The following LEMD3 variants were observed in gnomAD, a reference collection of about 807,000 sequenced individuals.
LEMD3 encodes LEM domain containing 3.
LEMD3 carries 33 observed loss-of-function variants against 95.2 expected under a neutral mutation model. That is an observed-to-expected ratio of 0.35 (90% CI 0.26 to 0.46). The LOEUF is 0.46. LEMD3 is among the 20% of genes least tolerant of loss of function. LEMD3 has a pLI of 1.00. For missense variants in LEMD3, 1,210 were observed against 1,192.8 expected, an observed-to-expected ratio of 1.01 and a Z score of -0.21; for synonymous variants, 525 against 474.6, an observed-to-expected ratio of 1.11 and a Z score of -1.38.
intron 4 of LEMD3, among the ~76,000 whole-genome samples, chr12:65,219,385 G>A (rs1025891930): frequency 8.5e-5 from 13 of 152,154 alleles, no homozygotes; most frequent in African/African-American, 3.1e-4. Context: ...TCTCAGAAGT[G>A]GAAAGTGGCA....
chr12:65,172,331 T>G (rs763257267), intron 1 of LEMD3, among the ~76,000 whole-genome samples: 1 of 152,242 alleles, frequency 6.6e-6, no homozygotes, highest in Non-Finnish European at 1.5e-5. Context: ...CCAAGATGAA[T>G]TCACTGTATT....
intron 4 of LEMD3, among the ~76,000 whole-genome samples, chr12:65,223,055 T>C (rs1363869641): frequency 6.6e-6 from 1 of 152,146 alleles, no homozygotes; most frequent in Non-Finnish European, 1.5e-5. Flanking sequence ...TGGCCTAACA[T>C]ATGATCTGAT....
At chr12:65,226,679 G>C (rs1020320396) in intron 4 of LEMD3, among the ~76,000 whole-genome samples, 3 of 152,176 alleles carry the variant, frequency 2.0e-5, no homozygotes, top group African/African-American at 7.2e-5. Context: ...TATATCTGGA[G>C]TCAAATTCTG....
intron 1 of LEMD3, among the ~76,000 whole-genome samples, chr12:65,180,989 AACACAC>A (rs71096029): frequency 6.7e-6 from 1 of 149,178 alleles, no homozygotes; most frequent in Admixed American, 6.6e-5. Flanking sequence ...TATGTACACA[AACACAC>A]ACACACACAC....
chr12:65,244,777 G>A (rs188475090), intron 10 of LEMD3, among the ~76,000 whole-genome samples: 6 of 151,916 alleles, frequency 3.9e-5, no homozygotes, highest in African/African-American at 9.7e-5. Context: ...GCAAAACCCC[G>A]TCTCTACAAA....
chr12:65,245,307 T>A (rs1270478492), intron 10 of LEMD3: 1 of 193,670 alleles, frequency 5.2e-6, no homozygotes, highest in Non-Finnish European at 1.1e-5. Context: ...ATTTTTTTTT[T>A]TTTTTGTATT....
intron 2 of LEMD3, among the ~76,000 whole-genome samples, chr12:65,213,805 G>A (rs549727994): frequency 1.3e-5 from 2 of 152,280 alleles, no homozygotes; most frequent in East Asian, 3.9e-4. Flanking sequence ...TGAAAGGGGA[G>A]TGAGGAAGGG....
intron 1 of LEMD3, among the ~76,000 whole-genome samples, chr12:65,204,845 C>T (rs1164347107): frequency 6.6e-6 from 1 of 152,102 alleles, no homozygotes; most frequent in Admixed American, 6.6e-5. Context: ...GCTTTTGTTA[C>T]AGATATCTCA....
chr12:65,177,855 T>TTC (rs1054534260), intron 1 of LEMD3, among the ~76,000 whole-genome samples: 1 of 151,468 alleles, frequency 6.6e-6, no homozygotes, highest in African/African-American at 2.4e-5. Context: ...TTTTTTTTTT[T>TTC]CAATATGAGA....
chr12:65,231,727 GA>G (rs961623908), intron 4 of LEMD3, among the ~76,000 whole-genome samples: 1 of 151,592 alleles, frequency 6.6e-6, no homozygotes, highest in East Asian at 1.9e-4. Context: ...AAAATGAAAG[GA>G]AAAAAAGCTT....
chr12:65,198,638 C>A (rs549636787), intron 1 of LEMD3, among the ~76,000 whole-genome samples: 1 of 152,038 alleles, frequency 6.6e-6, no homozygotes, highest in Non-Finnish European at 1.5e-5. Context: ...TACTAAAATC[C>A]ACAGATGCTC....
chr12:65,198,953 G>C (rs1592440634), intron 1 of LEMD3, among the ~76,000 whole-genome samples: 2 of 152,056 alleles, frequency 1.3e-5, no homozygotes, highest in South Asian at 2.1e-4. Context: ...AAACTACAGG[G>C]GTGTCTTTAG....
In LEMD3 at chr12:65,170,057, CCGG is replaced by C. The variant is rs750001959; in HGVS notation, c.471_473del (p.Gly158del). The C allele has an allele frequency of 6.0e-6, 9 of 1,511,762 alleles. No individual in the cohort carries two copies. The Admixed American group carries it at 1.1e-4, about 19-fold the overall frequency. 93.6% of individuals were successfully genotyped at this position (1,511,762 alleles called of 1,614,324 possible). ...GTGGAGGCCAGTCCCCGGGACCAGG[CCGG>C]CGGCGGCGGGAGGAAAGACCGGGCT... On this transcript the variant is annotated inframe_deletion, in exon 1 of 13. Coordinates refer to ENST00000308330, the MANE Select transcript of LEMD3 (RefSeq NM_014319.5).
At chr12:65,210,803 C>T (rs1351312588) in intron 1 of LEMD3, 123 bp from the exon 2 acceptor site, 1 of 798,864 alleles carries the variant, frequency 1.3e-6, no homozygotes, top group Non-Finnish European at 2.3e-6. Flanking sequence ...AGTTTGTTTA[C>T]ATTTGGTTCA....
chr12:65,203,073 A>T (rs1040929130), intron 1 of LEMD3, among the ~76,000 whole-genome samples: 2 of 151,890 alleles, frequency 1.3e-5, no homozygotes, highest in Non-Finnish European at 2.9e-5. Context: ...ACTCTTTCTT[A>T]TGCTTACTTT....
chr12:65,208,333 G>A (rs780292576), intron 1 of LEMD3, among the ~76,000 whole-genome samples: 128 of 152,052 alleles, frequency 8.4e-4, no homozygotes, highest in Non-Finnish European at 3.4e-4. Context: ...TTGAAGTACC[G>A]TCTTGGTATT....
chr12:65,247,726 T>C lies in LEMD3; in HGVS notation c.*1401T>C, dbSNP rs1478104677. On this transcript the variant is annotated 3_prime_UTR_variant, in exon 13 of 13. Transcript: ENST00000308330. ...TTTTTGTTTTATTGTATGCGTTGGG[T>C]TTGCAGCATGAACTTGCACAGATAA... 1 of 152,578 alleles carries C rather than the reference T, an allele frequency of 6.6e-6. No individual in the cohort carries two copies. Among genetic ancestry groups the C allele is most frequent in the African/African-American group, 2.4e-5 (1 of 41,442 alleles). 9.5% of individuals were successfully genotyped at this position (152,578 alleles called of 1,614,324 possible).
Position 65,170,201 on chromosome 12 carries a change from C to T in LEMD3, c.605C>T (p.Pro202Leu). The T allele has an allele frequency of 1.3e-6, 2 of 1,492,316 alleles. No individual in the cohort carries two copies. The highest frequency in any genetic ancestry group is 1.8e-6 in the Non-Finnish European group (2 of 1,121,340). The allele number at this position is 1,492,316 out of a possible 1,614,324, so 92.4% of individuals were successfully genotyped here. The change falls in exon 1 of 13, where the codon CCG becomes CTG. Residue 202 changes from proline to leucine, a missense_variant. By Grantham distance (98) the Pro-to-Leu change is moderately conservative. This residue lies in a region of LEMD3 where 749 missense variants were observed against 622.9 expected (regional missense o/e 1.20). Transcript: ENST00000308330. The stretch of plus-strand genomic sequence containing the variant: ...CACTCGTGGTGGGGGGCCAGGAGGC[C>T]GGCGGGCCCCGAGCTGCAGACCCCG... ...KPHSWWGARR[P>L]AGPELQTPPG... is the part of the protein sequence containing the mutation.
intron 3 of LEMD3, 128 bp downstream of exon 3, chr12:65,216,171 T>C: frequency 6.2e-6 from 4 of 646,014 alleles, no homozygotes; most frequent in Non-Finnish European, 1.1e-5. Flanking sequence ...AAGTTTTCAT[T>C]ACCTATACAG....
Sources: gnomAD v4.1 joint callset for allele counts (sites outside exome capture counted in the v4.1 genomes callset) on GRCh38, gnomAD v4.1.1 for gene constraint, gnomAD v4.1.1 regional missense constraint, MANE v1.5 for transcripts, NCBI Gene and HGNC (gene_info 2026-07-23, HGNC 2026-07-21) for gene names.